Variants in ATG10 observed in about 807,000 individuals in gnomAD.
ATG10 encodes the protein autophagy related 10.
A neutral mutation model predicts 32.1 loss-of-function variants in ATG10; 30 were observed. The ratio of observed to expected loss-of-function variants is 0.94; its 90% CI spans 0.70 to 1.27. ATG10 has a LOEUF of 1.27. ATG10 is among the 50% of genes most tolerant of loss of function. The pLI is 0.00. For missense variants in ATG10, 233 were observed against 262.3 expected (o/e 0.89, Z 0.77); for synonymous variants, 87 against 91.5 (o/e 0.95, Z 0.28).
chr5:81,985,444 T>G (rs1761232601), intron 1 of ATG10, among the ~76,000 whole-genome samples: 1 of 152,192 alleles, frequency 6.6e-6, no homozygotes, highest in African/African-American at 2.4e-5. Context: ...TTCTCTTTCC[T>G]TCTGAGTTCA....
At chr5:82,162,760 C>T (rs1221080351) in intron 3 of ATG10, among the ~76,000 whole-genome samples, 6 of 142,972 alleles carry the variant, frequency 4.2e-5, no homozygotes. Context: ...GACTTGGCAG[C>T]ACGTGGCAGG....
At chr5:82,123,935 C>A (rs555242824) in intron 3 of ATG10, among the ~76,000 whole-genome samples, 65 of 152,024 alleles carry the variant, frequency 4.3e-4, no homozygotes, top group Admixed American at 1.8e-3. Context: ...GACCCTGTTT[C>A]AAAACATAAA....
intron 3 of ATG10, among the ~76,000 whole-genome samples, chr5:82,121,114 C>T (rs1766024699): frequency 6.6e-6 from 1 of 152,038 alleles, no homozygotes; most frequent in African/African-American, 2.4e-5. Flanking sequence ...AGTCATGATA[C>T]TGGTTCTTTT....
At chr5:82,161,931 C>T (rs897301717) in intron 3 of ATG10, among the ~76,000 whole-genome samples, 2 of 151,858 alleles carry the variant, frequency 1.3e-5, no homozygotes, top group African/African-American at 2.4e-5. Context: ...CAGCAGGAAG[C>T]CTTCTGATGA....
At chr5:81,986,746 T>TA (rs1242720243) in intron 1 of ATG10, among the ~76,000 whole-genome samples, 1 of 151,840 alleles carries the variant, frequency 6.6e-6, no homozygotes, top group East Asian at 1.9e-4. Context: ...GAAACGGGAA[T>TA]AAAAAAACAA....
intron 3 of ATG10, among the ~76,000 whole-genome samples, chr5:82,157,400 A>G (rs1339766999): frequency 6.6e-6 from 1 of 152,182 alleles, no homozygotes; most frequent in Admixed American, 6.5e-5. Flanking sequence ...TATGTACCAT[A>G]TACAACATTT....
chr5:82,244,079 T>C (rs1300239554), intron 5 of ATG10, among the ~76,000 whole-genome samples: 1 of 152,168 alleles, frequency 6.6e-6, no homozygotes, highest in Non-Finnish European at 1.5e-5. Context: ...AAAGTATAAA[T>C]GTGTGTATAA....
chr5:82,006,077 A>G (rs1211945539), intron 2 of ATG10, among the ~76,000 whole-genome samples: 1 of 152,166 alleles, frequency 6.6e-6, no homozygotes, highest in Non-Finnish European at 1.5e-5. Flanking sequence ...TATTCTGAGT[A>G]TAAATTTAAA....
chr5:82,164,355 C>T, intron 3 of ATG10, 44 bp from the exon 4 acceptor site: 1 of 1,589,798 alleles, frequency 6.3e-7, no homozygotes, highest in Non-Finnish European at 8.6e-7. Flanking sequence ...TAGTACTTTT[C>T]TTATTAAGAA....
intron 2 of ATG10, among the ~76,000 whole-genome samples, chr5:82,038,065 A>G (rs1421980574): frequency 6.6e-6 from 1 of 152,210 alleles, no homozygotes; most frequent in Non-Finnish European, 1.5e-5. Flanking sequence ...ATGTATTTTC[A>G]AGATAAAGAT....
At chr5:82,032,856 A>G (rs1762782381) in intron 2 of ATG10, among the ~76,000 whole-genome samples, 1 of 152,052 alleles carries the variant, frequency 6.6e-6, no homozygotes, top group South Asian at 2.1e-4. Flanking sequence ...AATTCATCTA[A>G]TCCCTTTGAG....
chr5:82,079,433 T>G (rs1021608390), intron 3 of ATG10, among the ~76,000 whole-genome samples: 1 of 151,962 alleles, frequency 6.6e-6, no homozygotes, highest in African/African-American at 2.4e-5. Flanking sequence ...TTGTTACATA[T>G]GTATACATAT....
intron 5 of ATG10, among the ~76,000 whole-genome samples, chr5:82,221,055 C>G (rs1157668782): frequency 6.6e-6 from 1 of 152,336 alleles, no homozygotes; most frequent in South Asian, 2.1e-4. Flanking sequence ...CTGTGCCCGG[C>G]CTTCCATCTC....
intron 3 of ATG10, among the ~76,000 whole-genome samples, chr5:82,119,995 T>G (rs943447471): frequency 7.8e-6 from 1 of 128,468 alleles, no homozygotes; most frequent in African/African-American, 3.5e-5. Context: ...TGTGTGTGTG[T>G]GTGTGTGTGT....
chr5:82,245,845 C>T (rs542272392), intron 5 of ATG10, among the ~76,000 whole-genome samples: 2 of 152,270 alleles, frequency 1.3e-5, no homozygotes, highest in South Asian at 4.1e-4. Context: ...TTCGCCACAA[C>T]TAAAAGAAAC....
At chr5:81,978,093 G>A (rs1358524859) in intron 1 of ATG10, among the ~76,000 whole-genome samples, 4 of 151,626 alleles carry the variant, frequency 2.6e-5, no homozygotes, top group Non-Finnish European at 4.4e-5. Context: ...TTTTTGAGGC[G>A]GAGTCTTGCT....
chr5:81,978,296 C>T (rs188794829), intron 1 of ATG10, among the ~76,000 whole-genome samples: 17 of 152,336 alleles, frequency 1.1e-4, no homozygotes, highest in Admixed American at 1.1e-3. Flanking sequence ...TCTCAAACTC[C>T]TGACCTCAGG....
At chr5:82,103,047 C>A (rs770053697) in intron 3 of ATG10, among the ~76,000 whole-genome samples, 1 of 152,076 alleles carries the variant, frequency 6.6e-6, no homozygotes, top group East Asian at 1.9e-4. Context: ...TTGTCTTTTT[C>A]CTTCCATCTT....
At chr5:82,034,246 C>G (rs1762842471) in intron 2 of ATG10, among the ~76,000 whole-genome samples, 1 of 151,988 alleles carries the variant, frequency 6.6e-6, no homozygotes, top group Non-Finnish European at 1.5e-5. Flanking sequence ...CACATACTTC[C>G]CTATGTCAGT....
Sources: gnomAD v4.1 joint callset for allele counts (sites outside exome capture counted in the v4.1 genomes callset) on GRCh38, gnomAD v4.1.1 for gene constraint, MANE v1.5 for transcripts, NCBI Gene and HGNC (gene_info 2026-07-23, HGNC 2026-07-21) for gene names.